Variants in CPAP observed in about 807,000 individuals in gnomAD.
CPAP encodes centrosome assembly and centriole elongation protein.
chr13:24,908,073 C>T, the CPAP span: 1 of 1,613,148 alleles, frequency 6.2e-7, no homozygotes, highest in Non-Finnish European at 8.5e-7. Context: ...AAGTTCTTAT[C>T]ATTTGCTTCC....
chr13:24,923,248 T>G, the CPAP span, among the ~76,000 whole-genome samples: 7 of 151,760 alleles, frequency 4.6e-5, no homozygotes, highest in East Asian at 7.7e-4. Flanking sequence ...GGTTTTGTTT[T>G]TTTTTTTTCT....
chr13:24,899,100 G>T, the CPAP span, among the ~76,000 whole-genome samples: 1 of 152,154 alleles, frequency 6.6e-6, no homozygotes. Flanking sequence ...ACAATATTTG[G>T]TGGGTGGTAG....
the CPAP span, among the ~76,000 whole-genome samples, chr13:24,909,520 T>C: frequency 6.7e-6 from 1 of 149,258 alleles, no homozygotes; most frequent in East Asian, 2.0e-4. Flanking sequence ...AGAGCGAGAC[T>C]GTCTCAAAAA....
chr13:24,925,770 C>T, the CPAP span: 1 of 152,650 alleles, frequency 6.6e-6, no homozygotes, highest in Non-Finnish European at 1.5e-5. Context: ...CAGCTGTTTT[C>T]TGACCCTGAG....
At chr13:24,927,036 T>C in the CPAP span, among the ~76,000 whole-genome samples, 1 of 152,052 alleles carries the variant, frequency 6.6e-6, no homozygotes, top group Non-Finnish European at 1.5e-5. Flanking sequence ...GTAAAACATA[T>C]GGGTCACTCA....
chr13:24,892,875 AAAAAAAAAAC>A, the CPAP span: 2 of 1,546,112 alleles, frequency 1.3e-6, no homozygotes, highest in Non-Finnish European at 8.9e-7. Flanking sequence ...AGTCTCTCAA[AAAAAAAAAAC>A]AAAAAGAAAA....
At chr13:24,917,524 C>A in the CPAP span, among the ~76,000 whole-genome samples, 1 of 152,076 alleles carries the variant, frequency 6.6e-6, no homozygotes, top group Non-Finnish European at 1.5e-5. Flanking sequence ...TGTGCATCAC[C>A]CCCCAGATTG....
the CPAP span, among the ~76,000 whole-genome samples, chr13:24,908,758 TA>T: frequency 2.6e-5 from 4 of 151,026 alleles, no homozygotes; most frequent in African/African-American, 2.4e-5. Flanking sequence ...TTGGATCCTT[TA>T]AAAAAAAAGC....
chr13:24,906,818 G>T, the CPAP span: 1 of 1,614,204 alleles, frequency 6.2e-7, no homozygotes, highest in East Asian at 2.2e-5. Flanking sequence ...CTGGTCCTCG[G>T]AAGTGCTCTG....
the CPAP span, chr13:24,883,333 T>C: frequency 6.2e-7 from 1 of 1,613,848 alleles, no homozygotes; most frequent in Non-Finnish European, 8.5e-7. Context: ...GTAGTTCTCT[T>C]TGGCCATTAT....
the CPAP span, among the ~76,000 whole-genome samples, chr13:24,922,007 A>C: frequency 6.6e-6 from 1 of 152,218 alleles, no homozygotes; most frequent in African/African-American, 2.4e-5. Flanking sequence ...TAGTATGTGG[A>C]CTCAGACTTT....
At chr13:24,915,097 T>G in the CPAP span, among the ~76,000 whole-genome samples, 2 of 147,920 alleles carry the variant, frequency 1.4e-5, no homozygotes, top group Non-Finnish European at 3.0e-5. Context: ...ATTAATTAAT[T>G]AATAATAAAT....
the CPAP span, among the ~76,000 whole-genome samples, chr13:24,901,245 G>C: frequency 6.6e-6 from 1 of 152,120 alleles, no homozygotes; most frequent in Non-Finnish European, 1.5e-5. Context: ...ATTTGAGAAA[G>C]TTAAATATCC....
chr13:24,891,925 C>T, the CPAP span, among the ~76,000 whole-genome samples: 28 of 152,180 alleles, frequency 1.8e-4, no homozygotes, highest in Admixed American at 5.9e-4. Flanking sequence ...TCTGCAGGCT[C>T]AGGCGGCCAC....
the CPAP span, chr13:24,906,865 CTT>C: frequency 6.2e-7 from 1 of 1,614,194 alleles, no homozygotes; most frequent in Non-Finnish European, 8.5e-7. Flanking sequence ...CTTTTTGAAA[CTT>C]AGATTTGGCA....
the CPAP span, chr13:24,884,555 G>T: frequency 8.2e-7 from 1 of 1,221,244 alleles, no homozygotes; most frequent in Non-Finnish European, 1.2e-6. Context: ...GAAATTTTTT[G>T]TAATAAAATG....
At chr13:24,897,174 G>A in the CPAP span, among the ~76,000 whole-genome samples, 14 of 152,230 alleles carry the variant, frequency 9.2e-5, no homozygotes, top group South Asian at 4.2e-4. Context: ...TCTGGGAGAC[G>A]GAGGTTGCAG....
At chr13:24,915,369 G>C in the CPAP span, among the ~76,000 whole-genome samples, 1 of 152,126 alleles carries the variant, frequency 6.6e-6, no homozygotes, top group Admixed American at 6.5e-5. Flanking sequence ...AGAGACACTG[G>C]GTCAGCAGCT....
the CPAP span, among the ~76,000 whole-genome samples, chr13:24,883,534 G>GTGAT: frequency 6.6e-6 from 1 of 152,102 alleles, no homozygotes; most frequent in African/African-American, 2.4e-5. Flanking sequence ...CTGCTTCATG[G>GTGAT]TGATAGTTCC....
Sources: gnomAD v4.1 joint callset for allele counts (sites outside exome capture counted in the v4.1 genomes callset) on GRCh38, gnomAD v4.1.1 for gene constraint, MANE v1.5 for transcripts, NCBI Gene and HGNC (gene_info 2026-07-23, HGNC 2026-07-21) for gene names.